The following DTWD2 variants were observed in gnomAD, a reference collection of about 807,000 sequenced individuals.
The protein encoded by DTWD2 is DTW motif tRNA-uridine aminocarboxypropyltransferase 2.
DTWD2 carries 39 observed loss-of-function variants against 31.8 expected under a neutral mutation model. The observed-to-expected ratio is 1.22, with a 90% CI of 0.95 to 1.60. The LOEUF (loss-of-function observed/expected upper bound fraction) is 1.60. Among genes scored for constraint, DTWD2 ranks in the 40% most tolerant of loss-of-function variants. The pLI, the probability that DTWD2 is intolerant of heterozygous loss-of-function variation, is 0.00. For missense variants in DTWD2, 515 were observed against 381.5 expected, an observed-to-expected ratio of 1.35 and a Z score of -2.92; for synonymous variants, 180 against 142.8, an observed-to-expected ratio of 1.26 and a Z score of -1.86.
chr5:118,854,039 T>A (rs1375386775), intron 4 of DTWD2, among the ~76,000 whole-genome samples: 2 of 152,186 alleles, frequency 1.3e-5, no homozygotes, highest in Non-Finnish European at 2.9e-5. Flanking sequence ...GGTAAACAAG[T>A]ATTATTAGTC....
At chr5:118,861,574 A>AT (rs113125374) in intron 4 of DTWD2, among the ~76,000 whole-genome samples, 6,808 of 151,472 alleles carry the variant, frequency 0.045, 188 homozygotes, top group Middle Eastern at 0.14. Flanking sequence ...AACGAAACTG[A>AT]TTTTTTTTTA....
chr5:118,933,602 C>T (rs1476654359), intron 3 of DTWD2, among the ~76,000 whole-genome samples: 2 of 151,938 alleles, frequency 1.3e-5, no homozygotes, highest in African/African-American at 4.8e-5. Flanking sequence ...AACCCAAAGC[C>T]CACTCATGAT....
At chr5:118,858,871 T>C (rs1019633763) in intron 4 of DTWD2, among the ~76,000 whole-genome samples, 1 of 152,164 alleles carries the variant, frequency 6.6e-6, no homozygotes, top group African/African-American at 2.4e-5. Flanking sequence ...GGTCCACACA[T>C]TGCAGTTAGC....
chr5:118,871,357 T>G (rs147962975), intron 4 of DTWD2, among the ~76,000 whole-genome samples: 2 of 152,364 alleles, frequency 1.3e-5, no homozygotes, highest in East Asian at 3.9e-4. Flanking sequence ...ATGTTCTTAA[T>G]GACATCGAGA....
chr5:118,894,424 G>C (rs1308726889), intron 4 of DTWD2, among the ~76,000 whole-genome samples: 1 of 152,092 alleles, frequency 6.6e-6, no homozygotes, highest in Non-Finnish European at 1.5e-5. Flanking sequence ...TAGAGCTTAA[G>C]GGACATACTA....
intron 4 of DTWD2, among the ~76,000 whole-genome samples, chr5:118,876,884 A>G (rs1486818390): frequency 6.6e-6 from 1 of 152,248 alleles, no homozygotes; most frequent in East Asian, 1.9e-4. Context: ...CTGCAAGGCC[A>G]GCATCATCGT....
chr5:118,875,743 T>C (rs1322898666), intron 4 of DTWD2, among the ~76,000 whole-genome samples: 3 of 152,108 alleles, frequency 2.0e-5, no homozygotes, highest in African/African-American at 7.2e-5. Flanking sequence ...CAAGGAGACT[T>C]AGACTTCCAC....
chr5:118,877,222 C>G (rs1305889598), intron 4 of DTWD2, among the ~76,000 whole-genome samples: 1 of 152,176 alleles, frequency 6.6e-6, no homozygotes, highest in Non-Finnish European at 1.5e-5. Flanking sequence ...CCTATAATCC[C>G]AGCACTTTGG....
intron 4 of DTWD2, among the ~76,000 whole-genome samples, chr5:118,880,074 G>T (rs568352740): frequency 3.3e-5 from 5 of 152,240 alleles, no homozygotes; most frequent in African/African-American, 1.2e-4. Flanking sequence ...TACAAATGAA[G>T]AATTATATTT....
chr5:118,907,449 G>C (rs1753359872), intron 4 of DTWD2, among the ~76,000 whole-genome samples: 1 of 152,186 alleles, frequency 6.6e-6, no homozygotes. Flanking sequence ...AGACCCAAGA[G>C]GCTGGGCATG....
At chr5:118,845,436 G>A (rs1175042336) in intron 5 of DTWD2, among the ~76,000 whole-genome samples, 2 of 152,012 alleles carry the variant, frequency 1.3e-5, no homozygotes, top group Non-Finnish European at 2.9e-5. Flanking sequence ...GCTGGATGTG[G>A]GGTTCCCCCA....
intron 4 of DTWD2, among the ~76,000 whole-genome samples, chr5:118,860,692 T>C (rs1392596695): frequency 1.3e-5 from 2 of 152,162 alleles, no homozygotes; most frequent in Non-Finnish European, 2.9e-5. Flanking sequence ...TTTAGGACTT[T>C]TGACAATCTG....
At chr5:118,879,564 C>T (rs575029179) in intron 4 of DTWD2, among the ~76,000 whole-genome samples, 4 of 147,704 alleles carry the variant, frequency 2.7e-5, no homozygotes, top group African/African-American at 7.5e-5. Context: ...GAGCCAAGAT[C>T]GCACCACTAC....
intron 5 of DTWD2, among the ~76,000 whole-genome samples, chr5:118,846,109 T>C (rs141495708): frequency 5.8e-4 from 88 of 152,320 alleles, no homozygotes; most frequent in African/African-American, 2.0e-3. Context: ...TTGTTGAGTC[T>C]AGAACATTTG....
At chr5:118,982,241 G>A (rs1755318048) in intron 1 of DTWD2, among the ~76,000 whole-genome samples, 1 of 152,152 alleles carries the variant, frequency 6.6e-6, no homozygotes, top group Non-Finnish European at 1.5e-5. Context: ...TGAACTCAAG[G>A]AATTAATGTG....
chr5:118,928,433 C>G, intron 4 of DTWD2, 104 bp downstream of exon 4: 1 of 786,458 alleles, frequency 1.3e-6, no homozygotes, highest in East Asian at 3.4e-5. Context: ...AGAAATACCA[C>G]CAAATTCATA....
intron 4 of DTWD2, among the ~76,000 whole-genome samples, chr5:118,886,631 T>C (rs753991065): frequency 1.6e-4 from 24 of 152,142 alleles, no homozygotes; most frequent in Non-Finnish European, 5.9e-5. Flanking sequence ...ACATAGAATT[T>C]AGGTGGCTAA....
intron 1 of DTWD2, among the ~76,000 whole-genome samples, chr5:118,980,205 G>C (rs769683046): frequency 1.3e-5 from 2 of 152,214 alleles, no homozygotes; most frequent in Non-Finnish European, 2.9e-5. Flanking sequence ...TGGAAAAAGA[G>C]CAGGTTTACT....
intron 1 of DTWD2, among the ~76,000 whole-genome samples, chr5:118,948,615 T>C (rs1055872521): frequency 1.3e-5 from 2 of 151,980 alleles, no homozygotes; most frequent in Non-Finnish European, 2.9e-5. Context: ...AGGAATAATG[T>C]GGGGGCCAGC....
Sources: gnomAD v4.1 joint callset for allele counts (sites outside exome capture counted in the v4.1 genomes callset) on GRCh38, gnomAD v4.1.1 for gene constraint, MANE v1.5 for transcripts, NCBI Gene and HGNC (gene_info 2026-07-23, HGNC 2026-07-21) for gene names.